ARID1A: variants seen among roughly 807,000 people sequenced by gnomAD.
ARID1A encodes AT-rich interactive domain-containing protein 1A.
A neutral mutation model predicts 212.6 loss-of-function variants in ARID1A; 20 were observed. The ratio of observed to expected loss-of-function variants is 0.09; its 90% CI spans 0.07 to 0.14. The LOEUF (loss-of-function observed/expected upper bound fraction) is 0.14, where lower values mean the gene tolerates loss of function less well. ARID1A is among the 10% of genes least tolerant of loss of function. ARID1A has a pLI of 1.00. For synonymous variants in ARID1A, 1,376 were observed against 1,222.1 expected (o/e 1.13, Z -2.63); for missense variants, 2,587 against 3,059.0 (o/e 0.85, Z 3.64).
Position 26,718,659 on chromosome 1 carries a change from G to A in ARID1A, c.1138-10992G>A, listed in dbSNP as rs138058993. 1.2e-4 allele frequency among the ~76,000 whole-genome samples: 18 copies of A among 152,192 alleles called. No homozygotes were observed. The East Asian group carries it at 2.7e-3, about 23-fold the overall frequency. On this transcript the variant is annotated intron_variant, in intron 1 of 19. Coordinates refer to ENST00000324856, the MANE Select transcript of ARID1A (RefSeq NM_006015.6). The stretch of plus-strand genomic sequence containing the variant: ...GATTACTTATAATACCTCATACAAC[G>A]TAGATATTATGTAAGTAGTTGTTAT...
rs919377839 is a variant in ARID1A, at chr1:26,781,240, T to C, written c.*484T>C. Reference sequence around the variant, plus strand: ...CTGAACTGTGTGTGGTTTATTGTTGTACATTCACAATCTTGCAGGAGCCAA... The same window carrying C: ...CTGAACTGTGTGTGGTTTATTGTTGCACATTCACAATCTTGCAGGAGCCAA... On this transcript the variant is annotated 3_prime_UTR_variant, in exon 20 of 20. Coordinates refer to ENST00000324856, the MANE Select transcript of ARID1A (RefSeq NM_006015.6). The C allele has an allele frequency of 1.7e-5, 4 of 236,666 alleles. No homozygotes were observed. Among genetic ancestry groups the C allele is most frequent in the Non-Finnish European group, 2.5e-5 (3 of 120,366 alleles). The allele number at this position is 236,666 out of a possible 1,614,324, so 14.7% of individuals were successfully genotyped here.
At chr1:26,701,431 A>G (rs1477889975) in intron 1 of ARID1A, among the ~76,000 whole-genome samples, 1 of 152,124 alleles carries the variant, frequency 6.6e-6, no homozygotes, top group Non-Finnish European at 1.5e-5. Flanking sequence ...TTACGTTGTT[A>G]TTACTGATGC....
At chr1:26,722,108 G>T (rs757239300) in intron 1 of ARID1A, among the ~76,000 whole-genome samples, 9 of 152,186 alleles carry the variant, frequency 5.9e-5, no homozygotes, top group Non-Finnish European at 1.2e-4. Flanking sequence ...CGCCTTCCTG[G>T]AGGTTTGATC....
intron 4 of ARID1A, among the ~76,000 whole-genome samples, chr1:26,741,166 G>A (rs1055985908): frequency 3.3e-5 from 5 of 152,198 alleles, no homozygotes; most frequent in African/African-American, 9.6e-5. Context: ...AGCTCTGGAC[G>A]ATGCCGGAGG....
intron 1 of ARID1A, among the ~76,000 whole-genome samples, chr1:26,719,128 CCCTTT>C (rs1414037618): frequency 6.6e-6 from 1 of 152,166 alleles, no homozygotes; most frequent in Non-Finnish European, 1.5e-5. Flanking sequence ...TTCTACATTC[CCCTTT>C]CCTTTCCTGC....
chr1:26,730,281 G>C (rs923799360), intron 2 of ARID1A, among the ~76,000 whole-genome samples: 1 of 152,182 alleles, frequency 6.6e-6, no homozygotes, highest in Non-Finnish European at 1.5e-5. Context: ...GGTTCAAAAT[G>C]AATGTGACTG....
intron 1 of ARID1A, 89 bp from the exon 2 acceptor site, chr1:26,729,562 A>T: frequency 6.9e-7 from 1 of 1,450,074 alleles, no homozygotes; most frequent in Admixed American, 1.7e-5. Flanking sequence ...TATAGCATAC[A>T]GACTAAAAAA....
chr1:26,704,301 C>T (rs1186564262), intron 1 of ARID1A, among the ~76,000 whole-genome samples: 1 of 152,130 alleles, frequency 6.6e-6, no homozygotes. Flanking sequence ...GGTCATGTCA[C>T]CTTCAGAGTT....
At chr1:26,750,696 T>C (rs184042648) in intron 4 of ARID1A, among the ~76,000 whole-genome samples, 4 of 151,902 alleles carry the variant, frequency 2.6e-5, no homozygotes, top group African/African-American at 4.8e-5. Flanking sequence ...TTAGAACATA[T>C]TCAGTTTGAA....
chr1:26,715,720 A>G (rs952704459), intron 1 of ARID1A, among the ~76,000 whole-genome samples: 9 of 152,212 alleles, frequency 5.9e-5, no homozygotes, highest in African/African-American at 1.9e-4. Context: ...TTTAAAGCAT[A>G]AAATATGCTG....
chr1:26,731,844 A>G (rs1176651281), intron 3 of ARID1A, among the ~76,000 whole-genome samples: 1 of 152,222 alleles, frequency 6.6e-6, no homozygotes, highest in African/African-American at 2.4e-5. Context: ...AGTTGCATAG[A>G]TGGATAAGAA....
intron 1 of ARID1A, among the ~76,000 whole-genome samples, chr1:26,698,464 G>A: frequency 6.6e-6 from 1 of 152,300 alleles, no homozygotes; most frequent in African/African-American, 2.4e-5. Context: ...GAGGAGGGAG[G>A]TTTAAGTAGC....
At chr1:26,749,777 T>C (rs780187516) in intron 4 of ARID1A, among the ~76,000 whole-genome samples, 4 of 152,228 alleles carry the variant, frequency 2.6e-5, no homozygotes, top group Non-Finnish European at 4.4e-5. Context: ...CAACAGCTCT[T>C]ACCAAGTTGC....
chr1:26,772,940 G>A lies in ARID1A; in HGVS notation c.3668G>A (p.Arg1223His), dbSNP rs768377977. 2.8e-5 allele frequency: 45 copies of A among 1,613,828 alleles called. No homozygotes were observed. The highest frequency in any genetic ancestry group is 3.5e-5 in the Non-Finnish European group (41 of 1,179,910). Reference protein sequence around the residue: ...PSMNTSDMMGRMSYEPNKDPY... With the variant: ...PSMNTSDMMGHMSYEPNKDPY... ...ATGAATACCTCTGACATGATGGGGCGCATGTCCTATGAGCCAAATAAGGAT... is the reference window on the plus strand; with the variant it reads ...ATGAATACCTCTGACATGATGGGGCACATGTCCTATGAGCCAAATAAGGAT... Residue 1223 changes from arginine (R) to histidine (H), a missense_variant, in exon 14 of 20, where the codon CGC becomes CAC. Around this residue, in one of 11 missense-constraint regions of ARID1A, gnomAD observed 890 missense variants for 1,098.2 expected, o/e 0.81. Coordinates refer to ENST00000324856, the MANE Select transcript of ARID1A (RefSeq NM_006015.6).
rs1214027198 is a variant in ARID1A at position 26,696,258 on chromosome 1, G to A, written c.-146G>A. 3 of 1,015,228 alleles carry A rather than the reference G, an allele frequency of 3.0e-6. No individual in the cohort carries two copies. Among genetic ancestry groups the A allele is most frequent in the South Asian group, 4.9e-5 (1 of 20,428 alleles). 62.9% of individuals were successfully genotyped at this position (1,015,228 alleles called of 1,614,324 possible). A position where few individuals can be genotyped will look rare whatever the true frequency, so the allele number is the denominator to read the frequency against. On this transcript the variant is annotated 5_prime_UTR_variant, in exon 1 of 20. Transcript: ENST00000324856. ...CCGGCGGGGCGGGGGGGAGAGGAGC[G>A]AGCGCAGCGCAGCAGCGGAGCCCCG... is the stretch of plus-strand genomic sequence containing the variant.
At chr1:26,775,518 T>G in intron 18 of ARID1A, 59 bp from the exon 19 acceptor site, 1 of 1,606,336 alleles carries the variant, frequency 6.2e-7, no homozygotes, top group East Asian at 2.2e-5. Flanking sequence ...GGGGCAGCCC[T>G]AGGGGTGCCT....
chr1:26,728,771 A>G (rs1364795147), intron 1 of ARID1A: 1 of 152,148 alleles, frequency 6.6e-6, no homozygotes, highest in Non-Finnish European at 1.5e-5. Flanking sequence ...CCACCAATAG[A>G]TATAGGTAGA....
At chr1:26,742,214 G>A (rs1216983683) in intron 4 of ARID1A, among the ~76,000 whole-genome samples, 1 of 152,212 alleles carries the variant, frequency 6.6e-6, no homozygotes, top group Non-Finnish European at 1.5e-5. Context: ...TAAAAGGAAT[G>A]TCAATGGATT....
rs764060744 is a variant in ARID1A, at chr1:26,696,984, C to G, written c.581C>G (p.Pro194Arg). 5 of 1,506,112 alleles carry G rather than the reference C, an allele frequency of 3.3e-6. No individual in the cohort carries two copies. The African/African-American group carries it at 5.8e-5, about 18-fold the overall frequency. 93.3% of individuals were successfully genotyped at this position (1,506,112 alleles called of 1,614,324 possible). A position where few individuals can be genotyped will look rare whatever the true frequency, so the allele number is the denominator to read the frequency against. Residue 194 changes from proline (P) to arginine (R), a missense_variant, in exon 1 of 20, where the codon CCC becomes CGC. Pro to Arg is a moderately radical substitution (Grantham distance 103, BLOSUM62 -2). Transcript: ENST00000324856. ...LQSGGGGGLEPYAGPQQNSHD... is the reference protein window; with the variant it reads ...LQSGGGGGLERYAGPQQNSHD... ...AGCGGCGGCGGCGGGGGCCTGGAGC[C>G]CTACGCGGGGCCCCAGCAGAACTCT... is the stretch of plus-strand genomic sequence containing the variant.
Sources: gnomAD v4.1 joint callset for allele counts (sites outside exome capture counted in the v4.1 genomes callset) on GRCh38, gnomAD v4.1.1 for gene constraint, gnomAD v4.1.1 regional missense constraint, MANE v1.5 for transcripts, NCBI Gene and HGNC (gene_info 2026-07-23, HGNC 2026-07-21) for gene names.